ATP5PB: variants seen among roughly 807,000 people sequenced by gnomAD.
ATP5PB encodes the protein ATP synthase peripheral stalk-membrane subunit b.
A neutral mutation model predicts 34.5 loss-of-function variants in ATP5PB; 21 were observed. The ratio of observed to expected loss-of-function variants is 0.61; its 90% confidence interval spans 0.43 to 0.88. ATP5PB has a LOEUF of 0.88. Among genes scored for constraint, ATP5PB ranks in the 40% least tolerant of loss-of-function variants. The pLI, the probability that ATP5PB is intolerant of heterozygous loss-of-function variation, is 0.00. For synonymous variants in ATP5PB, 108 were observed against 114.1 expected (o/e 0.95, Z 0.34); for missense variants, 293 against 317.4 (o/e 0.92, Z 0.58).
intron 3 of ATP5PB, 42 bp from the exon 4 acceptor site, chr1:111,456,044 G>A: frequency 3.4e-6 from 5 of 1,454,394 alleles, no homozygotes; most frequent in Non-Finnish European, 3.7e-6. Flanking sequence ...CCTCTTTTAG[G>A]CATAGCATAT....
chr1:111,457,216 G>A (rs1364521169), intron 5 of ATP5PB, among the ~76,000 whole-genome samples: 1 of 152,042 alleles, frequency 6.6e-6, no homozygotes, highest in Non-Finnish European at 1.5e-5. Context: ...AGGAGGGTGA[G>A]GCAGCAGGAC....
intron 5 of ATP5PB, among the ~76,000 whole-genome samples, chr1:111,458,100 C>T (rs1453478743): frequency 6.6e-6 from 1 of 152,186 alleles, no homozygotes; most frequent in Non-Finnish European, 1.5e-5. Flanking sequence ...CTTCTGCCTT[C>T]ATGGAGTCTT....
At position 111,459,548 on chromosome 1, in the gene ATP5PB, C is replaced by T. The variant is rs781645142; in HGVS notation, c.605C>T (p.Ser202Phe). 2 of 1,613,770 alleles carry T rather than the reference C, an allele frequency of 1.2e-6. No individual in the cohort carries two copies. The highest frequency in any genetic ancestry group is 1.7e-6 in the Non-Finnish European group (2 of 1,179,848). Residue 202 changes from serine to phenylalanine, a missense_variant, in exon 6 of 7, where the codon TCT (serine) becomes TTT (phenylalanine). Ser to Phe is a radical substitution (Grantham distance 155, BLOSUM62 -2). Coordinates refer to ENST00000369722, the MANE Select transcript of ATP5PB (RefSeq NM_001688.5). ...EVKNRLDYHI[S>F]VQNMMRRKEQ... is the part of the protein sequence containing the mutation. Reference sequence around the variant, plus strand: ...AAGAATCGCCTGGACTATCATATATCTGTGCAGAACATGATGCGTCGAAAG... The same window carrying T: ...AAGAATCGCCTGGACTATCATATATTTGTGCAGAACATGATGCGTCGAAAG...
intron 2 of ATP5PB, among the ~76,000 whole-genome samples, chr1:111,453,893 A>G (rs767322690): frequency 2.0e-5 from 3 of 152,256 alleles, no homozygotes; most frequent in African/African-American, 4.8e-5. Context: ...CAAGATGCCT[A>G]TCTGACCGCC....
chr1:111,450,024 T>C, intron 2 of ATP5PB, 151 bp downstream of exon 2: 1 of 990,974 alleles, frequency 1.0e-6, no homozygotes, highest in Non-Finnish European at 1.5e-6. Flanking sequence ...CACTTGTTCC[T>C]GTAACTGCCA....
chr1:111,449,873 GGTAA>G lies in ATP5PB; in HGVS notation c.77+3_77+6del. 1.2e-6 allele frequency: 2 copies of G among 1,614,078 alleles called. No individual in the cohort carries two copies. The highest frequency in any genetic ancestry group is 1.7e-6 in the Non-Finnish European group (2 of 1,180,016). On this transcript the variant is annotated splice_donor_variant and splice_donor_region_variant and intron_variant, in intron 2 of 6. Transcript: ENST00000369722. LOFTEE classifies it high-confidence loss of function. ...AAGAATGCAGCCTTCCTAGGTCCAGGGTAAGTGTGAGGATAATGCTCCCTTTCGT... is the reference window on the plus strand; with the variant it reads ...AAGAATGCAGCCTTCCTAGGTCCAGGGTGTGAGGATAATGCTCCCTTTCGT...
At chr1:111,459,985 C>T (rs1432862105) in intron 6 of ATP5PB, among the ~76,000 whole-genome samples, 2 of 152,036 alleles carry the variant, frequency 1.3e-5, no homozygotes, top group African/African-American at 4.8e-5. Flanking sequence ...GGCAACATAG[C>T]GAGATCCTGT....
intron 3 of ATP5PB, among the ~76,000 whole-genome samples, chr1:111,455,293 T>G (rs568382793): frequency 3.8e-4 from 57 of 151,932 alleles, no homozygotes; most frequent in Middle Eastern, 6.8e-3. Flanking sequence ...TATTTAAAAT[T>G]TGTATATTAA....
chr1:111,456,089 C>A lies in ATP5PB; in HGVS notation c.227C>A (p.Pro76His). 1 of 1,577,164 alleles carries A rather than the reference C, an allele frequency of 6.3e-7. No homozygotes were observed. Among genetic ancestry groups the A allele is most frequent in the South Asian group, 1.2e-5 (1 of 84,742 alleles). The change falls in exon 4 of 7, where the codon CCC becomes CAC. Residue 76 changes from proline (P) to histidine (H), a missense_variant. Physicochemically the swap from Pro to His is moderately conservative, Grantham distance 77. Transcript: ENST00000369722. ...AAATAACTCTTTCTTCTTTTAGGAC[C>A]CTATGTACTCGGAACTGGGCTTATC... is the stretch of plus-strand genomic sequence containing the variant. Reference protein sequence around the residue: ...FLYPKTGVTGPYVLGTGLILY... With the variant: ...FLYPKTGVTGHYVLGTGLILY...
At chr1:111,453,860 G>A (rs1156993751) in intron 2 of ATP5PB, among the ~76,000 whole-genome samples, 1 of 152,204 alleles carries the variant, frequency 6.6e-6, no homozygotes, top group Non-Finnish European at 1.5e-5. Context: ...TCAAAGTCAA[G>A]GAGCAGGTCT....
intron 4 of ATP5PB, among the ~76,000 whole-genome samples, 164 bp downstream of exon 4, chr1:111,456,413 C>A (rs1653473623): frequency 6.6e-6 from 1 of 152,138 alleles, no homozygotes; most frequent in African/African-American, 2.4e-5. Context: ...TTTTTTATAT[C>A]TACTAAACAC....
In ATP5PB at chr1:111,449,597, C is replaced by G. The variant is rs774056916; in HGVS notation, c.40+16C>G. Reference sequence around the variant, plus strand: ...GCCACAGCGGGTAAGGGGTATAGACCCTGCTCTGGACTATCAGAGTGATTG... The same window carrying G: ...GCCACAGCGGGTAAGGGGTATAGACGCTGCTCTGGACTATCAGAGTGATTG... On this transcript the variant is annotated intron_variant, in intron 1 of 6. Coordinates refer to ENST00000369722, the MANE Select transcript of ATP5PB (RefSeq NM_001688.5). The G allele has an allele frequency of 6.3e-7, 1 of 1,595,136 alleles. No individual in the cohort carries two copies. Among genetic ancestry groups the G allele is most frequent in the South Asian group, 1.1e-5 (1 of 88,394 alleles).
rs1557797879 is a variant in ATP5PB, at chr1:111,449,496, C to CG, written c.-42dup. ...GTCCTGCCCTGACAGATTCTCCTAT[C>CG]GGGGTCACAGGGACGCTAAGATTGC... On this transcript the variant is annotated 5_prime_UTR_variant, in exon 1 of 7. Coordinates refer to ENST00000369722, the MANE Select transcript of ATP5PB (RefSeq NM_001688.5). The CG allele has an allele frequency of 1.2e-6, 2 of 1,614,222 alleles. No individual in the cohort carries two copies.
At chr1:111,451,525 G>A (rs1404461944) in intron 2 of ATP5PB, among the ~76,000 whole-genome samples, 2 of 152,126 alleles carry the variant, frequency 1.3e-5, no homozygotes. Flanking sequence ...TTTGTTCATT[G>A]CCATGTTACC....
chr1:111,456,386 TA>T, intron 4 of ATP5PB, 137 bp downstream of exon 4: 1 of 1,124,600 alleles, frequency 8.9e-7, no homozygotes, highest in African/African-American at 1.6e-5. Context: ...TAACGTTAGT[TA>T]CTAATTTGAG....
At position 111,459,623 on chromosome 1, in the gene ATP5PB, T is replaced by A. The variant is rs915637984; in HGVS notation, c.680T>A (p.Ile227Asn). 1.2e-6 allele frequency: 2 copies of A among 1,613,808 alleles called. No homozygotes were observed. Among genetic ancestry groups the A allele is most frequent in the Admixed American group, 1.7e-5 (1 of 59,994 alleles). ...GTGGAGAAGCACGTGGTGCAAAGCATCTCCACACAGCAGGTACACAACATT... is the reference window on the plus strand; with the variant it reads ...GTGGAGAAGCACGTGGTGCAAAGCAACTCCACACAGCAGGTACACAACATT... ...NWVEKHVVQS[I>N]STQQEKETIA... The change falls in exon 6 of 7, where the codon ATC (isoleucine) becomes AAC (asparagine). Residue 227 changes from isoleucine to asparagine, a missense_variant. Transcript: ENST00000369722.
chr1:111,458,841 G>C (rs188533368), intron 5 of ATP5PB, among the ~76,000 whole-genome samples: 5 of 152,220 alleles, frequency 3.3e-5, no homozygotes. Context: ...GTAACCTTGG[G>C]CAAGTTTCCT....
At chr1:111,453,253 A>G (rs1653382938) in intron 2 of ATP5PB, among the ~76,000 whole-genome samples, 1 of 152,172 alleles carries the variant, frequency 6.6e-6, no homozygotes, top group Non-Finnish European at 1.5e-5. Flanking sequence ...AGCTGCTTTA[A>G]TACAAGAATA....
intron 3 of ATP5PB, among the ~76,000 whole-genome samples, chr1:111,455,658 A>G (rs947833319): frequency 3.9e-5 from 6 of 152,168 alleles, no homozygotes; most frequent in Admixed American, 2.0e-4. Flanking sequence ...TTTCTTGTGT[A>G]AATTTTATCC....
Sources: gnomAD v4.1 joint callset for allele counts (sites outside exome capture counted in the v4.1 genomes callset) on GRCh38, gnomAD v4.1.1 for gene constraint, MANE v1.5 for transcripts, NCBI Gene and HGNC (gene_info 2026-07-23, HGNC 2026-07-21) for gene names.